ZFHX3: variants seen among roughly 807,000 people sequenced by gnomAD.
The protein encoded by ZFHX3 is zinc finger homeobox protein 3.
ZFHX3 carries 42 observed loss-of-function variants against 279.1 expected under a neutral mutation model. The observed-to-expected ratio is 0.15, with a 90% CI of 0.12 to 0.19. The LOEUF is 0.19. Among genes scored for constraint, ZFHX3 ranks in the 10% least tolerant of loss-of-function variants. The pLI, the probability that ZFHX3 is intolerant of heterozygous loss-of-function variation, is 1.00. For synonymous variants in ZFHX3, 2,293 were observed against 1,957.8 expected (o/e 1.17, Z -4.52); for missense variants, 4,981 against 4,754.0 (o/e 1.05, Z -1.40).
chr16:73,420,399 A>G (rs1480667991), intron 3 of ZFHX3, among the ~76,000 whole-genome samples: 1 of 152,168 alleles, frequency 6.6e-6, no homozygotes, highest in African/African-American at 2.4e-5. Flanking sequence ...ACCCCTGCCC[A>G]GGGGACATCT....
At chr16:73,189,445 C>T (rs537405562) in intron 5 of ZFHX3, among the ~76,000 whole-genome samples, 12 of 152,280 alleles carry the variant, frequency 7.9e-5, no homozygotes, top group South Asian at 2.1e-4. Context: ...CTACAGGGAA[C>T]GAGCCGGCAC....
At chr16:73,299,681 C>T (rs537054173) in intron 4 of ZFHX3, among the ~76,000 whole-genome samples, 5 of 152,296 alleles carry the variant, frequency 3.3e-5, no homozygotes, top group African/African-American at 9.6e-5. Context: ...GACCTGGGCC[C>T]GCAAAGGGCA....
At position 72,958,721 on chromosome 16, in the gene ZFHX3, C is replaced by G; in HGVS notation, c.1425G>C (p.Glu475Asp). 2 of 1,612,652 alleles carry G rather than the reference C, an allele frequency of 1.2e-6. No homozygotes were observed. Among genetic ancestry groups the G allele is most frequent in the Non-Finnish European group, 8.5e-7 (1 of 1,179,252 alleles). The stretch of plus-strand genomic sequence containing the variant: ...CTTCTTCCTCCTCCTCTTCTTCCTC[C>G]TCCTCCTCCGCCTCTTCCTCCTCCT... Reference protein sequence around the residue: ...EEEEEEEAEEEEEEEEEEEEE... With the variant: ...EEEEEEEAEEDEEEEEEEEEE... Residue 475 changes from glutamate to aspartate, a missense_variant, in exon 2 of 10, where the codon GAG (glutamate) becomes GAC (aspartate). Physicochemically the swap from Glu to Asp is conservative, Grantham distance 45 (BLOSUM62 2). Transcript: ENST00000268489.
intron 1 of ZFHX3, among the ~76,000 whole-genome samples, chr16:73,878,437 T>C (rs1397175184): frequency 6.6e-6 from 1 of 152,168 alleles, no homozygotes; most frequent in Non-Finnish European, 1.5e-5. Flanking sequence ...AAAACTTTTT[T>C]AAGCCTTCTC....
chr16:73,123,819 G>A (rs1235375567), intron 7 of ZFHX3, among the ~76,000 whole-genome samples: 1 of 152,128 alleles, frequency 6.6e-6, no homozygotes, highest in Non-Finnish European at 1.5e-5. Context: ...CCTTATAGAA[G>A]AGGCCTGGGG....
intron 1 of ZFHX3, among the ~76,000 whole-genome samples, chr16:73,843,633 G>T (rs972952801): frequency 1.2e-4 from 18 of 152,218 alleles, no homozygotes; most frequent in African/African-American, 4.3e-4. Context: ...TACAAAGATT[G>T]CTCTCCTCGT....
At chr16:73,785,665 A>T (rs1388502857) in intron 1 of ZFHX3, among the ~76,000 whole-genome samples, 1 of 152,032 alleles carries the variant, frequency 6.6e-6, no homozygotes, top group Non-Finnish European at 1.5e-5. Context: ...ATGCTTAAGC[A>T]ACACTTTGGC....
intron 3 of ZFHX3, among the ~76,000 whole-genome samples, chr16:73,434,954 C>A (rs1331926583): frequency 6.6e-6 from 1 of 152,066 alleles, no homozygotes; most frequent in South Asian, 2.1e-4. Flanking sequence ...TGAATGAATA[C>A]CTCTGCAATG....
At chr16:73,027,543 G>T (rs982447125) in intron 1 of ZFHX3, among the ~76,000 whole-genome samples, 1 of 152,140 alleles carries the variant, frequency 6.6e-6, no homozygotes, top group Non-Finnish European at 1.5e-5. Context: ...AATACACAAC[G>T]CATGCTCTAG....
At chr16:73,722,143 T>C (rs1045009922) in intron 1 of ZFHX3, among the ~76,000 whole-genome samples, 1 of 152,220 alleles carries the variant, frequency 6.6e-6, no homozygotes, top group Non-Finnish European at 1.5e-5. Context: ...AACTGGGTAC[T>C]GGGCCTATAG....
chr16:73,222,168 C>T (rs1484211723), intron 5 of ZFHX3, among the ~76,000 whole-genome samples: 1 of 151,956 alleles, frequency 6.6e-6, no homozygotes, highest in Non-Finnish European at 1.5e-5. Flanking sequence ...GAGTAAGATA[C>T]TAAGTGTGAA....
intron 3 of ZFHX3, among the ~76,000 whole-genome samples, chr16:73,390,639 G>C (rs2016992335): frequency 6.6e-6 from 1 of 152,160 alleles, no homozygotes; most frequent in Admixed American, 6.5e-5. Context: ...TGCTGCTGGG[G>C]ATACAATCGG....
At chr16:73,181,077 G>T (rs1018001284) in intron 5 of ZFHX3, among the ~76,000 whole-genome samples, 8 of 110,146 alleles carry the variant, frequency 7.3e-5, no homozygotes, top group South Asian at 2.8e-4. Flanking sequence ...TAGTTTTTTT[G>T]TTTGTTTGTT....
chr16:73,773,296 C>T (rs1823757838), intron 1 of ZFHX3, among the ~76,000 whole-genome samples: 1 of 152,228 alleles, frequency 6.6e-6, no homozygotes, highest in African/African-American at 2.4e-5. Context: ...GTCCCACAGT[C>T]TCCCTTTCTT....
At chr16:72,922,057 G>A (rs887360218) in intron 3 of ZFHX3, among the ~76,000 whole-genome samples, 4 of 152,180 alleles carry the variant, frequency 2.6e-5, no homozygotes, top group Admixed American at 6.5e-5. Context: ...CCTGCAGCAC[G>A]GTAGGCACGC....
chr16:73,296,877 A>ATGTT (rs755308796), intron 4 of ZFHX3, among the ~76,000 whole-genome samples: 2 of 116,068 alleles, frequency 1.7e-5, no homozygotes, highest in African/African-American at 7.0e-5. Context: ...TGAAGCAGGA[A>ATGTT]TTTTTTTTTT....
chr16:73,851,200 A>T (rs1961586420), intron 1 of ZFHX3, among the ~76,000 whole-genome samples: 1 of 152,134 alleles, frequency 6.6e-6, no homozygotes, highest in African/African-American at 2.4e-5. Flanking sequence ...AATCGCTACA[A>T]CATGGTACCT....
intron 4 of ZFHX3, among the ~76,000 whole-genome samples, chr16:73,308,854 TA>T (rs1352079602): frequency 1.3e-5 from 2 of 150,174 alleles, no homozygotes; most frequent in African/African-American, 4.9e-5. Flanking sequence ...AAATATATCT[TA>T]AAAATATATA....
intron 2 of ZFHX3, among the ~76,000 whole-genome samples, chr16:73,668,541 T>C (rs910702226): frequency 2.6e-5 from 4 of 151,948 alleles, no homozygotes; most frequent in African/African-American, 9.7e-5. Context: ...CACTTATAAG[T>C]GAGAACATGT....
Sources: gnomAD v4.1 joint callset for allele counts (sites outside exome capture counted in the v4.1 genomes callset) on GRCh38, gnomAD v4.1.1 for gene constraint, MANE v1.5 for transcripts, NCBI Gene and HGNC (gene_info 2026-07-23, HGNC 2026-07-21) for gene names.